The following DCP2 variants were observed in gnomAD, a reference collection of about 807,000 sequenced individuals.
The protein encoded by DCP2 is decapping mRNA 2.
DCP2 carries 30 observed loss-of-function variants against 56.1 expected under a neutral mutation model. The ratio of observed to expected loss-of-function variants is 0.53; its 90% CI spans 0.40 to 0.73. DCP2 has a LOEUF of 0.73. DCP2 is among the 30% of genes least tolerant of loss of function. The pLI is 0.00. For synonymous variants in DCP2, 197 were observed against 163.3 expected (o/e 1.21, Z -1.57); for missense variants, 533 against 502.7 (o/e 1.06, Z -0.58).
In DCP2 at chr5:113,017,002, C is replaced by T. The variant is rs1429957777; in HGVS notation, c.*3518C>T. On this transcript the variant is annotated 3_prime_UTR_variant, in exon 11 of 11. Coordinates refer to ENST00000389063, the MANE Select transcript of DCP2 (RefSeq NM_152624.6). Reference sequence around the variant, plus strand: ...GATTACAGGCATGCGCCACCACGCCCTGCTAATTCTGTCTTTTTAGTAGAG... The same window carrying T: ...GATTACAGGCATGCGCCACCACGCCTTGCTAATTCTGTCTTTTTAGTAGAG... The T allele has an allele frequency of 1.3e-5, 2 of 152,148 alleles. No individual in the cohort carries two copies. Among genetic ancestry groups the T allele is most frequent in the Non-Finnish European group, 2.9e-5 (2 of 68,094 alleles). The allele number at this position is 152,148 out of a possible 1,614,324, so 9.4% of individuals were successfully genotyped here.
chr5:112,987,509 G>A (rs1285028113), intron 2 of DCP2, among the ~76,000 whole-genome samples: 1 of 151,800 alleles, frequency 6.6e-6, no homozygotes, highest in Non-Finnish European at 1.5e-5. Flanking sequence ...CTGGAGTGTG[G>A]TGGTGTGATC....
At chr5:113,010,367 C>T (rs938808368) in intron 9 of DCP2, among the ~76,000 whole-genome samples, 1 of 151,818 alleles carries the variant, frequency 6.6e-6, no homozygotes, top group Admixed American at 6.6e-5. Context: ...ATTAGTTAGC[C>T]CTGGCTGATT....
At position 113,021,516 on chromosome 5, in the gene DCP2, T is replaced by TTAGA. The variant is rs1281866987; in HGVS notation, c.*8035_*8038dup. ...GTGTAGGGCTTGAGATGTGAATTCA[T>TTAGA]TAGATATTTAAAATCCAGCAATTCT... On this transcript the variant is annotated 3_prime_UTR_variant, in exon 11 of 11. Coordinates refer to ENST00000389063, the MANE Select transcript of DCP2 (RefSeq NM_152624.6). 6.6e-6 allele frequency among the ~76,000 whole-genome samples: 1 copy of TTAGA among 152,152 alleles called. No individual in the cohort carries two copies. The highest frequency in any genetic ancestry group is 1.5e-5 in the Non-Finnish European group (1 of 68,022).
chr5:113,005,153 T>TGTGTGTGTGTGTGG (rs1554101215), intron 8 of DCP2, among the ~76,000 whole-genome samples: 2,640 of 149,508 alleles, frequency 0.018, 37 homozygotes, highest in Non-Finnish European at 0.03. Context: ...TGCGTGTGGG[T>TGTGTGTGTGTGTGG]GTGTGTGTGT....
intron 1 of DCP2, among the ~76,000 whole-genome samples, chr5:112,979,600 G>GT (rs1437797887): frequency 1.3e-5 from 2 of 152,044 alleles, no homozygotes; most frequent in African/African-American, 4.8e-5. Flanking sequence ...GTGTTACTTT[G>GT]TTTTTTGATA....
At chr5:112,994,150 C>T (rs979424559) in intron 4 of DCP2, among the ~76,000 whole-genome samples, 49 of 141,868 alleles carry the variant, frequency 3.5e-4, no homozygotes, top group African/African-American at 1.2e-3. Context: ...GAAGTTCATT[C>T]CTTTTTTTCT....
At chr5:113,001,952 TGTGTC>T (rs1486697381) in intron 7 of DCP2, among the ~76,000 whole-genome samples, 20 of 152,206 alleles carry the variant, frequency 1.3e-4, no homozygotes, top group African/African-American at 3.9e-4. Flanking sequence ...AAAAAAATCT[TGTGTC>T]GTGTGTTCTT....
At chr5:113,011,995 G>A (rs1030635223) in intron 10 of DCP2, among the ~76,000 whole-genome samples, 2 of 152,212 alleles carry the variant, frequency 1.3e-5, no homozygotes, top group African/African-American at 4.8e-5. Flanking sequence ...GTATAGAAAA[G>A]TTATGGGGGT....
intron 4 of DCP2, among the ~76,000 whole-genome samples, chr5:112,999,507 T>C (rs1204314410): frequency 1.3e-5 from 2 of 152,102 alleles, no homozygotes; most frequent in African/African-American, 4.8e-5. Context: ...TTTGTATTTT[T>C]AGTAGAGACG....
At chr5:112,977,579 A>C (rs1747778211) in intron 1 of DCP2, among the ~76,000 whole-genome samples, 1 of 151,994 alleles carries the variant, frequency 6.6e-6, no homozygotes, top group South Asian at 2.1e-4. Context: ...GGAGAGAGGG[A>C]AAAAGTGTAG....
rs755522546 is a variant in DCP2 at position 112,976,876 on chromosome 5, C to G, written c.-58C>G. On this transcript the variant is annotated 5_prime_UTR_variant, in exon 1 of 11. Transcript: ENST00000389063. ...GGCGAGCCGGAGTCCTAGTGCCGTA[C>G]CGTCAGTCCCCGGCCGCGCGGAGCC... The G allele has an allele frequency of 1.9e-6, 3 of 1,576,876 alleles. No individual in the cohort carries two copies. Among genetic ancestry groups the G allele is most frequent in the Non-Finnish European group, 2.6e-6 (3 of 1,146,016 alleles).
At chr5:112,980,479 A>T (rs939111138) in intron 1 of DCP2, among the ~76,000 whole-genome samples, 3 of 152,232 alleles carry the variant, frequency 2.0e-5, no homozygotes, top group Non-Finnish European at 4.4e-5. Flanking sequence ...TGAGAAAATA[A>T]CATTTCGTGT....
chr5:113,004,111 T>A (rs1561700713), intron 8 of DCP2, 34 bp downstream of exon 8: 2 of 1,595,032 alleles, frequency 1.3e-6, no homozygotes, highest in Non-Finnish European at 1.7e-6. Flanking sequence ...TTTTCAGAAA[T>A]TTAGATCATT....
chr5:112,999,688 A>G (rs931039462), intron 4 of DCP2, among the ~76,000 whole-genome samples: 5 of 146,424 alleles, frequency 3.4e-5, no homozygotes, highest in Non-Finnish European at 4.5e-5. Context: ...GTGCACTGGG[A>G]TGGTGATCAC....
At chr5:113,005,147 T>TGTGGGTGTGTGG (rs1554101196) in intron 8 of DCP2, among the ~76,000 whole-genome samples, 2 of 45,818 alleles carry the variant, frequency 4.4e-5, no homozygotes, top group Admixed American at 8.5e-4. Flanking sequence ...AAAGTGTGCG[T>TGTGGGTGTGTGG]GTGGGTGTGT....
At chr5:112,978,774 T>C (rs558799889) in intron 1 of DCP2, among the ~76,000 whole-genome samples, 24 of 152,310 alleles carry the variant, frequency 1.6e-4, no homozygotes, top group Non-Finnish European at 3.4e-4. Context: ...GATTATGAGA[T>C]TGTGATCTTT....
Position 113,010,824 on chromosome 5 carries a change from C to G in DCP2, c.1099+17C>G. The G allele has an allele frequency of 6.3e-7, 1 of 1,591,850 alleles. No homozygotes were observed. Among genetic ancestry groups the G allele is most frequent in the South Asian group, 1.2e-5 (1 of 86,338 alleles). On this transcript the variant is annotated intron_variant, in intron 10 of 10. Transcript: ENST00000389063. ...TTGAAACAGGCAAGTCATTTCCTATCTTTTTATAATCTCTGCCTTGTGGGA... is the reference window on the plus strand; with the variant it reads ...TTGAAACAGGCAAGTCATTTCCTATGTTTTTATAATCTCTGCCTTGTGGGA...
Position 113,010,665 on chromosome 5 carries a change from T to G in DCP2, c.1048-91T>G, listed in dbSNP as rs1011774152. 9 of 1,345,242 alleles carry G rather than the reference T, an allele frequency of 6.7e-6. No individual in the cohort carries two copies. In the African/African-American group the frequency reaches 9.1e-5, roughly 14 times the overall value. 83.3% of individuals were successfully genotyped at this position (1,345,242 alleles called of 1,614,324 possible). The stretch of plus-strand genomic sequence containing the variant: ...GGTTCAGTTTTTCTTCCTGAGAAAT[T>G]TGATAATACATCTTTTGATTTTTAA... On this transcript the variant is annotated intron_variant, in intron 9 of 10. Coordinates refer to ENST00000389063, the MANE Select transcript of DCP2 (RefSeq NM_152624.6).
chr5:112,996,087 T>TG (rs368707429), intron 4 of DCP2, among the ~76,000 whole-genome samples: 17 of 152,126 alleles, frequency 1.1e-4, no homozygotes, highest in South Asian at 4.1e-4. Context: ...TACAGTTACA[T>TG]GGGGGGTTGA....
Sources: gnomAD v4.1 joint callset for allele counts (sites outside exome capture counted in the v4.1 genomes callset) on GRCh38, gnomAD v4.1.1 for gene constraint, MANE v1.5 for transcripts, NCBI Gene and HGNC (gene_info 2026-07-23, HGNC 2026-07-21) for gene names.